The following C12orf42 variants were observed in gnomAD, a reference collection of about 807,000 sequenced individuals.
C12orf42 encodes the protein chromosome 12 open reading frame 42, also known as uncharacterized protein C12orf42.
A neutral mutation model predicts 21.6 loss-of-function variants in C12orf42; 25 were observed. The ratio of observed to expected loss-of-function variants is 1.16; its 90% CI spans 0.84 to 1.62. The LOEUF (loss-of-function observed/expected upper bound fraction) is 1.62, where lower values mean the gene tolerates loss of function less well. Among genes scored for constraint, C12orf42 ranks in the 40% most tolerant of loss-of-function variants. The pLI, the probability that C12orf42 is intolerant of heterozygous loss-of-function variation, is 0.00. For synonymous variants in C12orf42, 174 were observed against 175.0 expected, an observed-to-expected ratio of 0.99 and a Z score of 0.05; for missense variants, 483 against 459.3, an observed-to-expected ratio of 1.05 and a Z score of -0.47.
chr12:103,059,071 G>A, the C12orf42 span, among the ~76,000 whole-genome samples: 1,613 of 152,064 alleles, frequency 0.011, 11 homozygotes, highest in South Asian at 0.019. Flanking sequence ...AAAGTAGATA[G>A]ACCACTAACT....
the C12orf42 span, chr12:103,559,872 T>G: frequency 6.6e-6 from 1 of 152,210 alleles, no homozygotes; most frequent in Non-Finnish European, 1.5e-5. Flanking sequence ...TTACAGCAAG[T>G]GTAATTGTTA....
At chr12:103,056,046 G>T in the C12orf42 span, among the ~76,000 whole-genome samples, 1 of 152,102 alleles carries the variant, frequency 6.6e-6, no homozygotes. Context: ...ATAGCGATTA[G>T]ATTTTTTTGG....
In C12orf42 at chr12:103,421,888, C is replaced by A. The variant is rs954464720; in HGVS notation, c.79-20213G>T. ...TACAAAATATTTCAATCCTATTCGCCTGTCTTATATTCCTGGTTACATTCA... is the reference window on the plus strand; with the variant it reads ...TACAAAATATTTCAATCCTATTCGCATGTCTTATATTCCTGGTTACATTCA... On this transcript the variant is annotated intron_variant, in intron 2 of 5. Transcript: ENST00000548883. 4.6e-5 allele frequency among the ~76,000 whole-genome samples: 7 copies of A among 152,208 alleles called. No homozygotes were observed. In the East Asian group the frequency reaches 1.3e-3, roughly 29 times the overall value.
the C12orf42 span, among the ~76,000 whole-genome samples, chr12:103,108,145 A>G: frequency 2.0e-4 from 31 of 151,490 alleles, no homozygotes; most frequent in Middle Eastern, 3.4e-3. Flanking sequence ...TTAAAAAGAA[A>G]GGAAAAAATA....
chr12:103,197,363 C>T, the C12orf42 span, among the ~76,000 whole-genome samples: 12 of 152,110 alleles, frequency 7.9e-5, no homozygotes, highest in African/African-American at 2.4e-4. Flanking sequence ...TTAATACTTC[C>T]GATTATATTG....
chr12:103,270,516 T>TTTTATA (rs1209889812), intron 5 of C12orf42, among the ~76,000 whole-genome samples: 1 of 146,488 alleles, frequency 6.8e-6, no homozygotes, highest in Non-Finnish European at 1.5e-5. Flanking sequence ...AGATATTTAT[T>TTTTATA]TTTATTTTTA....
At chr12:103,471,645 C>T (rs924041568) in intron 2 of C12orf42, among the ~76,000 whole-genome samples, 1 of 152,174 alleles carries the variant, frequency 6.6e-6, no homozygotes, top group Non-Finnish European at 1.5e-5. Flanking sequence ...GGTCAAAGGA[C>T]CCCAAACCCA....
chr12:103,375,590 G>T (rs1200039270), intron 3 of C12orf42, among the ~76,000 whole-genome samples: 2 of 152,050 alleles, frequency 1.3e-5, no homozygotes, highest in Non-Finnish European at 2.9e-5. Flanking sequence ...ATTATTTATT[G>T]CATCATAGAA....
chr12:103,547,097 T>TATGC, the C12orf42 span, among the ~76,000 whole-genome samples: 31 of 152,346 alleles, frequency 2.0e-4, no homozygotes, highest in South Asian at 5.4e-3. Flanking sequence ...TAAATGTATG[T>TATGC]ATGCTTTTCT....
At chr12:103,074,961 T>C in the C12orf42 span, among the ~76,000 whole-genome samples, 79 of 152,136 alleles carry the variant, frequency 5.2e-4, no homozygotes, top group Admixed American at 9.8e-4. Flanking sequence ...TGATAGTGCA[T>C]GCCTGTGGTC....
At chr12:103,526,428 C>T in the C12orf42 span, among the ~76,000 whole-genome samples, 3,962 of 152,228 alleles carry the variant, frequency 0.026, 132 homozygotes, top group East Asian at 0.17. Context: ...AAAATGTAAA[C>T]TAATGTAACT....
chr12:103,192,373 T>G, the C12orf42 span, among the ~76,000 whole-genome samples: 2 of 151,298 alleles, frequency 1.3e-5, no homozygotes, highest in Non-Finnish European at 3.0e-5. Context: ...TGTGGTGGAG[T>G]GTGCCTGTAG....
At chr12:103,429,080 A>T (rs1405961088) in intron 2 of C12orf42, among the ~76,000 whole-genome samples, 1 of 152,248 alleles carries the variant, frequency 6.6e-6, no homozygotes, top group Non-Finnish European at 1.5e-5. Context: ...GCCTTCTCTC[A>T]CCATTCCAAT....
chr12:103,156,358 T>TGG, the C12orf42 span: 1 of 152,014 alleles, frequency 6.6e-6, no homozygotes, highest in Non-Finnish European at 1.5e-5. Context: ...GGCATAAAGG[T>TGG]GGGGGCAGGG....
chr12:103,137,753 T>C, the C12orf42 span, among the ~76,000 whole-genome samples: 2 of 152,140 alleles, frequency 1.3e-5, no homozygotes, highest in African/African-American at 4.8e-5. Context: ...GTTGTGTTCA[T>C]TGAAATAAGC....
At chr12:103,416,035 T>TTG (rs896150185) in intron 2 of C12orf42, among the ~76,000 whole-genome samples, 17 of 6,108 alleles carry the variant, frequency 2.8e-3, no homozygotes, top group African/African-American at 6.8e-3. Flanking sequence ...GTTTAGTGGG[T>TTG]TTTTTTTTTT....
chr12:103,337,028 GAA>G (rs1247828120), intron 4 of C12orf42, among the ~76,000 whole-genome samples: 1 of 152,156 alleles, frequency 6.6e-6, no homozygotes, highest in Non-Finnish European at 1.5e-5. Flanking sequence ...GCACTTAAGG[GAA>G]ATACTTCTGC....
rs1218886199 is a variant in C12orf42 at position 103,382,997 on chromosome 12, A to G, written c.148-13999T>C. On this transcript the variant is annotated intron_variant, in intron 3 of 5. Transcript: ENST00000548883. ...TGCTCTTCAAAGACCAGTCAAGATC[A>G]GAAGAGGTCAAGATCAGGAATATGC... is the stretch of plus-strand genomic sequence containing the variant. Among the ~76,000 whole-genome samples the G allele has an allele frequency of 3.3e-5, 5 of 152,240 alleles. 1 individual carries two copies. The East Asian group carries it at 9.6e-4, about 29-fold the overall frequency.
chr12:103,365,012 G>A (rs1413240121), intron 4 of C12orf42, among the ~76,000 whole-genome samples: 2 of 151,624 alleles, frequency 1.3e-5, no homozygotes, highest in Non-Finnish European at 3.0e-5. Context: ...TGAAAACAAG[G>A]GAAGGGCATA....
Sources: gnomAD v4.1 joint callset for allele counts (sites outside exome capture counted in the v4.1 genomes callset) on GRCh38, gnomAD v4.1.1 for gene constraint, MANE v1.5 for transcripts, NCBI Gene and HGNC (gene_info 2026-07-23, HGNC 2026-07-21) for gene names.